EPB41L4B: variants seen among roughly 807,000 people sequenced by gnomAD.
EPB41L4B encodes the protein erythrocyte membrane protein band 4.1 like 4B, also known as band 4.1-like protein 4B.
A neutral mutation model predicts 112.5 loss-of-function variants in EPB41L4B; 30 were observed. That is an observed-to-expected ratio of 0.27 (90% CI 0.20 to 0.36). The LOEUF is 0.36. EPB41L4B is among the 10% of genes least tolerant of loss of function. EPB41L4B has a pLI of 1.00. For synonymous variants in EPB41L4B, 408 were observed against 439.7 expected (o/e 0.93, Z 0.90); for missense variants, 1,024 against 1,133.3 (o/e 0.90, Z 1.38).
In EPB41L4B at chr9:109,288,036, C is replaced by T. The variant is rs149834755; in HGVS notation, c.307-8115G>A. Among the ~76,000 whole-genome samples the T allele has an allele frequency of 3.6e-3, 555 of 152,356 alleles. 5 individuals carry two copies. The highest frequency in any genetic ancestry group is 0.013 in the African/African-American group (520 of 41,584). On this transcript the variant is annotated intron_variant, in intron 1 of 25. Coordinates refer to ENST00000374566, the MANE Select transcript of EPB41L4B (RefSeq NM_019114.5). ...TCCCATGCTACAGTTTGAATAACGG[C>T]GTCCCTCCAAATTCATACATTGAAA...
chr9:109,249,016 G>A (rs1297269784), intron 13 of EPB41L4B, among the ~76,000 whole-genome samples: 2 of 148,786 alleles, frequency 1.3e-5, no homozygotes, highest in African/African-American at 2.5e-5. Flanking sequence ...CCGAGACTGC[G>A]CCACTGCACT....
intron 21 of EPB41L4B, among the ~76,000 whole-genome samples, chr9:109,193,434 A>G (rs1411410880): frequency 6.6e-6 from 1 of 152,240 alleles, no homozygotes; most frequent in Non-Finnish European, 1.5e-5. Context: ...TCTTATTCCC[A>G]TTTTTAAGAG....
chr9:109,190,968 G>A (rs930113909), intron 22 of EPB41L4B, among the ~76,000 whole-genome samples: 1 of 152,202 alleles, frequency 6.6e-6, no homozygotes, highest in Non-Finnish European at 1.5e-5. Context: ...CAGCATCCAG[G>A]ACACTGACTT....
chr9:109,210,046 C>A (rs563227857), intron 17 of EPB41L4B, among the ~76,000 whole-genome samples: 24 of 152,054 alleles, frequency 1.6e-4, no homozygotes, highest in East Asian at 1.4e-3. Context: ...ATAAATGGCA[C>A]TTTCAGGTTA....
At chr9:109,193,093 C>A (rs1832517389) in intron 21 of EPB41L4B, among the ~76,000 whole-genome samples, 1 of 152,204 alleles carries the variant, frequency 6.6e-6, no homozygotes, top group Non-Finnish European at 1.5e-5. Context: ...GTACAGGGGG[C>A]TCCACACAGT....
rs767954379 is a variant in EPB41L4B at position 109,174,637 on chromosome 9, T to C, written c.2634-14A>G. 1.6e-5 allele frequency: 25 copies of C among 1,612,312 alleles called. No individual in the cohort carries two copies. The highest frequency in any genetic ancestry group is 2.0e-5 in the Non-Finnish European group (24 of 1,178,670). On this transcript the variant is annotated splice_polypyrimidine_tract_variant and intron_variant, in intron 25 of 25. Transcript: ENST00000374566. ...AGTGTCTCTGCACTAAAAAAAAGTA[T>C]GTGACAAAATAGTGAGACAATCCCT...
chr9:109,263,251 C>T, intron 5 of EPB41L4B, 149 bp from the exon 6 acceptor site: 1 of 601,384 alleles, frequency 1.7e-6, no homozygotes, highest in Non-Finnish European at 2.9e-6. Context: ...TTAAAGAATG[C>T]AACAAGCGAC....
At chr9:109,283,674 T>C (rs1836158264) in intron 1 of EPB41L4B, among the ~76,000 whole-genome samples, 1 of 152,164 alleles carries the variant, frequency 6.6e-6, no homozygotes, top group Admixed American at 6.5e-5. Flanking sequence ...TAAATAAAAA[T>C]ACATATGTGT....
chr9:109,313,529 C>T (rs762975594), intron 1 of EPB41L4B, among the ~76,000 whole-genome samples: 6 of 152,194 alleles, frequency 3.9e-5, no homozygotes, highest in African/African-American at 9.7e-5. Context: ...TGGCGAGAGT[C>T]GAGACTGCCC....
At position 109,255,583 on chromosome 9, in the gene EPB41L4B, C is replaced by T. The variant is rs374943607; in HGVS notation, c.1097G>A (p.Arg366Gln). 8.7e-6 allele frequency: 14 copies of T among 1,614,078 alleles called. No homozygotes were observed. Among genetic ancestry groups the T allele is most frequent in the East Asian group, 4.5e-5 (2 of 44,894 alleles). Residue 366 changes from arginine to glutamine, a missense_variant, in exon 11 of 26, where the codon CGA (arginine) becomes CAA (glutamine). By Grantham distance (43) the Arg-to-Gln change is conservative (BLOSUM62 1). Coordinates refer to ENST00000374566, the MANE Select transcript of EPB41L4B (RefSeq NM_019114.5). The stretch of plus-strand genomic sequence containing the variant: ...TTTGCTGTTTCCTGGCGTCCGCAGT[C>T]GGAAGAATGCGTGGTGCTCAACTGC... ...KCAVEHHAFF[R>Q]LRTPGNSKSN...
At chr9:109,262,125 A>C (rs1455853269) in intron 6 of EPB41L4B, among the ~76,000 whole-genome samples, 6 of 152,188 alleles carry the variant, frequency 3.9e-5, no homozygotes, top group East Asian at 3.9e-4. Flanking sequence ...CAATGCTGAC[A>C]ATCATGCAGG....
At chr9:109,222,230 G>A (rs1833601151) in intron 15 of EPB41L4B, among the ~76,000 whole-genome samples, 1 of 152,156 alleles carries the variant, frequency 6.6e-6, no homozygotes, top group African/African-American at 2.4e-5. Flanking sequence ...CAAATGAAAA[G>A]AGAAATAGAT....
chr9:109,241,862 A>C (rs1458660822), intron 15 of EPB41L4B: 9 of 1,586,034 alleles, frequency 5.7e-6, no homozygotes, highest in Non-Finnish European at 7.8e-6. Flanking sequence ...AAAATGCAGA[A>C]ATGTAAGTGA....
chr9:109,247,960 T>C (rs1201168700), intron 13 of EPB41L4B, among the ~76,000 whole-genome samples, 171 bp from the exon 14 acceptor site: 1 of 152,166 alleles, frequency 6.6e-6, no homozygotes, highest in Non-Finnish European at 1.5e-5. Flanking sequence ...AATGAACATA[T>C]AACAAGGAAA....
At position 109,203,744 on chromosome 9, in the gene EPB41L4B, C is replaced by CA; in HGVS notation, c.1879-15dup. 6.2e-7 allele frequency: 1 copy of CA among 1,610,004 alleles called. No homozygotes were observed. The highest frequency in any genetic ancestry group is 8.5e-7 in the Non-Finnish European group (1 of 1,176,490). On this transcript the variant is annotated splice_polypyrimidine_tract_variant and intron_variant, in intron 18 of 25. Coordinates refer to ENST00000374566, the MANE Select transcript of EPB41L4B (RefSeq NM_019114.5). ...CTCCTTTCCACCCTGTTAAAGAAAGCATTCAGGTTAGTCAAAACTGAATAT... is the reference window on the plus strand; with the variant it reads ...CTCCTTTCCACCCTGTTAAAGAAAGCAATTCAGGTTAGTCAAAACTGAATAT...
At position 109,176,654 on chromosome 9, in the gene EPB41L4B, T is replaced by A. The variant is rs1318001490; in HGVS notation, c.2530A>T (p.Thr844Ser). The A allele has an allele frequency of 3.1e-6, 5 of 1,613,866 alleles. No individual in the cohort carries two copies. The highest frequency in any genetic ancestry group is 4.2e-6 in the Non-Finnish European group (5 of 1,179,954). ...DSKLQCCPGP[T>S]SPLIPAATLR... is the part of the protein sequence containing the mutation. ...GTCGCTGCTGGGATCAGCGGGGAAGTCGGGCCAGGACAGCACTGTAATTTA... is the reference window on the plus strand; with the variant it reads ...GTCGCTGCTGGGATCAGCGGGGAAGACGGGCCAGGACAGCACTGTAATTTA... The change falls in exon 25 of 26, where the codon ACT becomes TCT. Residue 844 changes from threonine (T) to serine (S), a missense_variant. Coordinates refer to ENST00000374566, the MANE Select transcript of EPB41L4B (RefSeq NM_019114.5).
chr9:109,256,250 G>T (rs1037414870), intron 8 of EPB41L4B, 26 bp from the exon 9 acceptor site: 8 of 1,608,368 alleles, frequency 5.0e-6, no homozygotes, highest in Non-Finnish European at 6.8e-6. Context: ...GTGACAATCG[G>T]TAGAGGGTTC....
At chr9:109,263,154 A>T (rs770327809) in intron 5 of EPB41L4B, 52 bp from the exon 6 acceptor site, 11 of 1,122,626 alleles carry the variant, frequency 9.8e-6, no homozygotes, top group Non-Finnish European at 1.4e-5. Context: ...AAGTACAACC[A>T]TACAAAATGT....
chr9:109,216,658 A>AAG (rs1833380600), intron 16 of EPB41L4B, among the ~76,000 whole-genome samples: 1 of 151,322 alleles, frequency 6.6e-6, no homozygotes, highest in Admixed American at 6.6e-5. Flanking sequence ...AAAAAAAAAA[A>AAG]AAAAGAAAAG....
Sources: allele counts gnomAD v4.1 joint callset (sites outside exome capture counted in the v4.1 genomes callset), GRCh38; gene constraint gnomAD v4.1.1; transcripts MANE v1.5; gene names NCBI Gene and HGNC (gene_info 2026-07-23, HGNC 2026-07-21).